Variants in SH3D19 observed in about 807,000 individuals in gnomAD.
SH3D19 encodes the protein SH3 domain containing 19, also known as SH3 domain-containing protein 19.
In SH3D19, 58 loss-of-function variants were observed where a neutral mutation model predicts 112.1. The observed-to-expected ratio is 0.52, with a 90% CI of 0.42 to 0.64. The LOEUF is 0.64. SH3D19 is among the 30% of genes least tolerant of loss of function. The probability of loss-of-function intolerance (pLI) is 0.00; values close to 1 mark genes in which losing one functional copy is unlikely to be tolerated. For missense variants in SH3D19, 1,090 were observed against 1,263.4 expected (o/e 0.86, Z 2.08); for synonymous variants, 391 against 448.5 (o/e 0.87, Z 1.62).
chr4:151,294,813 C>CAAGA (rs1215217391), intron 1 of SH3D19, among the ~76,000 whole-genome samples: 3 of 152,084 alleles, frequency 2.0e-5, no homozygotes, highest in Non-Finnish European at 2.9e-5. Flanking sequence ...ATGTCATGTA[C>CAAGA]AAGAAAGCCT....
intron 1 of SH3D19, 143 bp from the exon 2 acceptor site, chr4:151,226,229 AT>A (rs1768973230): frequency 8.2e-7 from 1 of 1,225,306 alleles, no homozygotes; most frequent in African/African-American, 1.6e-5. Flanking sequence ...AAGGCTCTTC[AT>A]CACAGTTCGC....
rs113943331 is a variant in SH3D19, at chr4:151,192,179, C to T, written c.153-4716G>A. On this transcript the variant is annotated intron_variant, in intron 2 of 19. Coordinates refer to ENST00000604030, the MANE Select transcript of SH3D19 (RefSeq NM_001378122.1). ...GTCTCGATCTCCTGACCTCGTGATC[C>T]GCCTGCCTCGGCCTCGCAAAGTGCT... 5.4e-4 allele frequency among the ~76,000 whole-genome samples: 79 copies of T among 147,226 alleles called. No homozygotes were observed. In the East Asian group the frequency reaches 0.011, roughly 21 times the overall value.
chr4:151,161,638 A>ATTT (rs1420945241), intron 8 of SH3D19, among the ~76,000 whole-genome samples: 28 of 147,564 alleles, frequency 1.9e-4, no homozygotes, highest in South Asian at 1.5e-3. Context: ...ATATATATAT[A>ATTT]TATTTTAATT....
At chr4:151,153,607 TA>T (rs988583153) in intron 9 of SH3D19, among the ~76,000 whole-genome samples, 4 of 152,152 alleles carry the variant, frequency 2.6e-5, no homozygotes, top group South Asian at 2.1e-4. Context: ...TAATTTTTTT[TA>T]AAAAAAAAGG....
chr4:151,235,594 T>C (rs1769976061), intron 1 of SH3D19, among the ~76,000 whole-genome samples: 2 of 152,176 alleles, frequency 1.3e-5, no homozygotes, highest in African/African-American at 4.8e-5. Context: ...AGACCCAGCC[T>C]GGCCAACATG....
At chr4:151,149,214 T>C (rs1445914715) in intron 10 of SH3D19, among the ~76,000 whole-genome samples, 2 of 152,134 alleles carry the variant, frequency 1.3e-5, no homozygotes, top group African/African-American at 4.8e-5. Flanking sequence ...TGTGTGCATG[T>C]ATACGTATAT....
intron 7 of SH3D19, among the ~76,000 whole-genome samples, 186 bp downstream of exon 7, chr4:151,174,484 C>T (rs1759589545): frequency 6.6e-6 from 1 of 152,210 alleles, no homozygotes; most frequent in Non-Finnish European, 1.5e-5. Flanking sequence ...TCTCCATTCC[C>T]CACATAGCTC....
At chr4:151,196,704 C>T (rs1763522797) in intron 2 of SH3D19, among the ~76,000 whole-genome samples, 1 of 151,946 alleles carries the variant, frequency 6.6e-6, no homozygotes, top group African/African-American at 2.4e-5. Context: ...GCAGAGTAAA[C>T]AACCCACAGA....
intron 1 of SH3D19, among the ~76,000 whole-genome samples, chr4:151,258,983 C>A (rs576000881): frequency 2.0e-5 from 3 of 152,170 alleles, no homozygotes; most frequent in African/African-American, 7.2e-5. Context: ...GGGCTTCAGA[C>A]TAGGAAAGGC....
At chr4:151,124,649 C>T (rs907147407) in intron 19 of SH3D19, among the ~76,000 whole-genome samples, 3 of 151,856 alleles carry the variant, frequency 2.0e-5, no homozygotes, top group East Asian at 2.0e-4. Context: ...ATCCAGGAGG[C>T]GGAGGTTGCA....
At chr4:151,147,828 T>A (rs1754198841) in intron 11 of SH3D19, 94 bp downstream of exon 11, 1 of 1,454,644 alleles carries the variant, frequency 6.9e-7, no homozygotes, top group Admixed American at 2.3e-5. Flanking sequence ...CAATTCCACA[T>A]TTGTTCCATC....
chr4:151,130,143 C>T (rs533515228), intron 17 of SH3D19, among the ~76,000 whole-genome samples: 1 of 152,114 alleles, frequency 6.6e-6, no homozygotes, highest in East Asian at 1.9e-4. Flanking sequence ...CTAAATTTGT[C>T]ACAAAAAACA....
chr4:151,152,814 T>C (rs1041292644), intron 9 of SH3D19, among the ~76,000 whole-genome samples: 1 of 151,624 alleles, frequency 6.6e-6, no homozygotes, highest in Non-Finnish European at 1.5e-5. Flanking sequence ...CCACTGTGCC[T>C]AGACTTTTGC....
chr4:151,219,978 T>C (rs1767764848), intron 2 of SH3D19, among the ~76,000 whole-genome samples: 1 of 152,168 alleles, frequency 6.6e-6, no homozygotes, highest in African/African-American at 2.4e-5. Flanking sequence ...TCCGTGTAGA[T>C]TAAAAATATG....
Position 151,214,021 on chromosome 4 carries a change from G to A in SH3D19, c.152+12026C>T, listed in dbSNP as rs1469861245. Among the ~76,000 whole-genome samples, 937 of 149,552 alleles carry A rather than the reference G, an allele frequency of 6.3e-3. 13 individuals are homozygous for A. Among genetic ancestry groups the A allele is most frequent in the African/African-American group, 0.022 (880 of 40,724 alleles). On this transcript the variant is annotated intron_variant, in intron 2 of 19. Transcript: ENST00000604030. ...TAGGCAGAGGACCCTGAGGCCTTCC[G>A]CAGTGTTTGTGTCCCTGGGTACTTG...
intron 1 of SH3D19, among the ~76,000 whole-genome samples, chr4:151,311,297 G>A (rs1729438171): frequency 1.3e-5 from 2 of 151,826 alleles, no homozygotes; most frequent in Non-Finnish European, 2.9e-5. Context: ...TTGAGATGCT[G>A]AGAAAGTAGG....
chr4:151,163,987 C>T (rs1475042332), intron 8 of SH3D19, among the ~76,000 whole-genome samples: 5 of 152,044 alleles, frequency 3.3e-5, no homozygotes, highest in Admixed American at 3.3e-4. Flanking sequence ...ATTTTTTTCT[C>T]CTCCACATTC....
intron 1 of SH3D19, among the ~76,000 whole-genome samples, chr4:151,256,522 G>T (rs924435604): frequency 3.9e-5 from 6 of 152,064 alleles, no homozygotes; most frequent in South Asian, 4.1e-4. Context: ...GATGGTGTTC[G>T]CATTCATTGA....
In SH3D19 at chr4:151,174,904, G is replaced by C. The variant is rs765218124; in HGVS notation, c.1300C>G (p.Pro434Ala). 2 of 1,613,202 alleles carry C rather than the reference G, an allele frequency of 1.2e-6. No homozygotes were observed. Among genetic ancestry groups the C allele is most frequent in the South Asian group, 2.2e-5 (2 of 90,982 alleles). The change falls in exon 7 of 20, where the codon CCC (proline) becomes GCC (alanine). Residue 434 changes from proline (P) to alanine (A), a missense_variant. Transcript: ENST00000604030. ...LLKKSVSSEN[P>A]TYPSAPLKPV... is the part of the protein sequence containing the mutation. ...TTCAGTGGAGCTGAAGGGTAGGTGG[G>C]GTTTTCTGAGGAAACAGATTTCTTC...
Sources: allele counts gnomAD v4.1 joint callset (sites outside exome capture counted in the v4.1 genomes callset), GRCh38; gene constraint gnomAD v4.1.1; transcripts MANE v1.5; gene names NCBI Gene and HGNC (gene_info 2026-07-23, HGNC 2026-07-21).